Variants in NAALADL2 observed in about 807,000 individuals in gnomAD.
NAALADL2 encodes N-acetylated alpha-linked acidic dipeptidase like 2, also known as inactive N-acetylated-alpha-linked acidic dipeptidase-like protein 2.
In NAALADL2, 76 loss-of-function variants were observed where a neutral mutation model predicts 87.2. The observed-to-expected ratio is 0.87, with a 90% CI of 0.72 to 1.05. The LOEUF (loss-of-function observed/expected upper bound fraction) is 1.05. Among genes scored for constraint, NAALADL2 ranks in the 50% least tolerant of loss-of-function variants. NAALADL2 has a pLI of 0.00. For missense variants in NAALADL2, 1,089 were observed against 945.8 expected (o/e 1.15, Z -1.99); for synonymous variants, 354 against 331.0 (o/e 1.07, Z -0.75).
intron 2 of NAALADL2, among the ~76,000 whole-genome samples, chr3:175,169,262 A>G (rs541387659): frequency 1.3e-5 from 2 of 151,782 alleles, no homozygotes; most frequent in African/African-American, 4.8e-5. Context: ...TGGATTAGTT[A>G]TACCAATATT....
intron 2 of NAALADL2, among the ~76,000 whole-genome samples, chr3:174,555,994 T>C (rs1021145853): frequency 7.3e-6 from 1 of 137,174 alleles, no homozygotes; most frequent in African/African-American, 2.9e-5. Flanking sequence ...TGTGTGTGTG[T>C]GTGTGTGTGT....
At chr3:174,984,852 A>G (rs1745629191) in intron 1 of NAALADL2, among the ~76,000 whole-genome samples, 1 of 152,222 alleles carries the variant, frequency 6.6e-6, no homozygotes. Context: ...ATTCCTCTGT[A>G]GAGTTACAAG....
At chr3:174,759,981 G>A (rs1712701458) in intron 3 of NAALADL2, among the ~76,000 whole-genome samples, 1 of 152,200 alleles carries the variant, frequency 6.6e-6, no homozygotes, top group Non-Finnish European at 1.5e-5. Context: ...TTACAGGCAT[G>A]AGCCACTGTG....
At position 175,810,183 on chromosome 3, in the gene NAALADL2, T is replaced by C. The variant is rs966656058; in HGVS notation, c.*6980T>C. The C allele has an allele frequency of 1.3e-5, 2 of 152,068 alleles. No homozygotes were observed. The highest frequency in any genetic ancestry group is 4.8e-5 in the African/African-American group (2 of 41,428). 9.4% of individuals were successfully genotyped at this position (152,068 alleles called of 1,614,324 possible). On this transcript the variant is annotated 3_prime_UTR_variant, in exon 14 of 14. Coordinates refer to ENST00000454872, the MANE Select transcript of NAALADL2 (RefSeq NM_207015.3). ...AAATTACTATATAGGGTTGAATGTC[T>C]AATTTCTATAATGTGTGGATGCCCA...
chr3:175,147,210 A>C (rs1730876411), intron 2 of NAALADL2, among the ~76,000 whole-genome samples: 1 of 152,096 alleles, frequency 6.6e-6, no homozygotes, highest in Non-Finnish European at 1.5e-5. Context: ...AGAGTACCCA[A>C]TAGGTAGTTT....
rs570494363 is a variant in NAALADL2, at chr3:174,607,588, A to C, written c.-115+56951A>C. On this transcript the variant is annotated intron_variant, in intron 2 of 3. Coordinates refer to the NAALADL2 transcript ENST00000434257. Reference sequence around the variant, plus strand: ...ACAAAGAAGGCCATTACATAATGGTAAAGGGATCAATTCAACAAGAAGAGC... The same window carrying C: ...ACAAAGAAGGCCATTACATAATGGTCAAGGGATCAATTCAACAAGAAGAGC... Among the ~76,000 whole-genome samples, 1,145 of 151,492 alleles carry C rather than the reference A, an allele frequency of 7.6e-3. 14 individuals are homozygous for C. Among genetic ancestry groups the C allele is most frequent in the African/African-American group, 0.026 (1,089 of 41,314 alleles).
chr3:174,451,659 T>C (rs1715488540), intron 1 of NAALADL2, among the ~76,000 whole-genome samples: 1 of 152,188 alleles, frequency 6.6e-6, no homozygotes, highest in African/African-American at 2.4e-5. Flanking sequence ...TTAAAGACAT[T>C]GCTCTTATTC....
chr3:175,392,710 T>C (rs145501402), intron 5 of NAALADL2, among the ~76,000 whole-genome samples: 292 of 152,226 alleles, frequency 1.9e-3, no homozygotes, highest in African/African-American at 6.8e-3. Flanking sequence ...CTAGCACAAC[T>C]TTGGAATGAA....
intron 13 of NAALADL2, among the ~76,000 whole-genome samples, chr3:175,770,110 A>G (rs1257653677): frequency 6.6e-6 from 1 of 152,202 alleles, no homozygotes; most frequent in Non-Finnish European, 1.5e-5. Flanking sequence ...CAACATATGG[A>G]CTAGTGTTTG....
rs115499409 is a variant in NAALADL2 at position 174,785,575 on chromosome 3, A to G, written c.-9+47829A>G. On this transcript the variant is annotated intron_variant, in intron 3 of 3. Coordinates refer to the NAALADL2 transcript ENST00000434257. ...TAGTACTTTGAAATTAGGTAATGCA[A>G]TGTCTCTGCAAATAAATATTGCTTT... is the stretch of plus-strand genomic sequence containing the variant. 2.5e-3 allele frequency among the ~76,000 whole-genome samples: 387 copies of G among 152,216 alleles called. 2 individuals carry two copies. Among genetic ancestry groups the G allele is most frequent in the African/African-American group, 8.8e-3 (365 of 41,538 alleles).
chr3:175,088,097 A>G (rs371769503), intron 1 of NAALADL2, among the ~76,000 whole-genome samples: 8 of 152,266 alleles, frequency 5.3e-5, no homozygotes, highest in African/African-American at 1.7e-4. Flanking sequence ...TATGATCTTT[A>G]GTTTATAAGG....
At chr3:175,134,774 C>T (rs563255465) in intron 2 of NAALADL2, among the ~76,000 whole-genome samples, 2 of 152,272 alleles carry the variant, frequency 1.3e-5, no homozygotes, top group South Asian at 4.1e-4. Flanking sequence ...CATTCTCCCA[C>T]CACTGCCACT....
chr3:174,976,288 G>T (rs1478230344), intron 1 of NAALADL2, among the ~76,000 whole-genome samples: 7 of 152,072 alleles, frequency 4.6e-5, no homozygotes, highest in Non-Finnish European at 7.4e-5. Flanking sequence ...AATATTTTAT[G>T]AAGTACTGGA....
intron 11 of NAALADL2, among the ~76,000 whole-genome samples, chr3:175,642,499 CTT>C (rs1206070195): frequency 1.3e-4 from 18 of 141,400 alleles, no homozygotes; most frequent in African/African-American, 4.5e-4. Context: ...TCACCCAAAT[CTT>C]TTTTTTTTTT....
intron 2 of NAALADL2, among the ~76,000 whole-genome samples, chr3:174,663,875 C>A (rs372691231): frequency 6.6e-6 from 1 of 151,366 alleles, no homozygotes; most frequent in Admixed American, 6.6e-5. Context: ...GCAACCTCTG[C>A]CTCCTGGGTC....
At chr3:175,023,731 AT>A (rs1468780341) in intron 1 of NAALADL2, among the ~76,000 whole-genome samples, 1 of 152,114 alleles carries the variant, frequency 6.6e-6, no homozygotes, top group Non-Finnish European at 1.5e-5. Context: ...ACTGAATGTG[AT>A]TCAACAAGAG....
At chr3:175,357,561 T>G (rs1252658126) in intron 5 of NAALADL2, among the ~76,000 whole-genome samples, 1 of 152,178 alleles carries the variant, frequency 6.6e-6, no homozygotes, top group Admixed American at 6.6e-5. Context: ...TGAATTCTAA[T>G]TCTAGTAATC....
At chr3:175,627,182 AC>A in intron 10 of NAALADL2, 108 bp from the exon 11 acceptor site, 1 of 791,740 alleles carries the variant, frequency 1.3e-6, no homozygotes, top group Admixed American at 2.8e-5. Flanking sequence ...ATCAACAGAA[AC>A]CTTAAGGCAA....
chr3:175,269,063 C>G (rs372531480), intron 4 of NAALADL2, among the ~76,000 whole-genome samples: 1 of 151,786 alleles, frequency 6.6e-6, no homozygotes, highest in South Asian at 2.1e-4. Context: ...CTCAGCCTCC[C>G]AAGTAGCTAG....
Sources: gnomAD v4.1 joint callset for allele counts (sites outside exome capture counted in the v4.1 genomes callset) on GRCh38, gnomAD v4.1.1 for gene constraint, MANE v1.5 for transcripts, NCBI Gene and HGNC (gene_info 2026-07-23, HGNC 2026-07-21) for gene names.